XKR6: variants seen among roughly 807,000 people sequenced by gnomAD.
XKR6 encodes XK related 6.
A neutral mutation model predicts 56.7 loss-of-function variants in XKR6; 22 were observed. The observed-to-expected ratio is 0.39, with a 90% confidence interval of 0.28 to 0.55. The LOEUF (loss-of-function observed/expected upper bound fraction) is 0.55, where lower values mean the gene tolerates loss of function less well. XKR6 is among the 20% of genes least tolerant of loss of function. The probability of loss-of-function intolerance (pLI) is 0.66; values close to 1 mark genes in which losing one functional copy is unlikely to be tolerated. For missense variants in XKR6, 852 were observed against 889.0 expected (o/e 0.96, Z 0.53); for synonymous variants, 524 against 387.8 (o/e 1.35, Z -4.13).
chr8:10,903,068 G>C (rs1412098007), intron 2 of XKR6, among the ~76,000 whole-genome samples: 1 of 152,178 alleles, frequency 6.6e-6, no homozygotes, highest in Non-Finnish European at 1.5e-5. Flanking sequence ...GCTCAACAGA[G>C]GGTAGCCCTT....
chr8:11,006,273 A>G (rs957428821), intron 1 of XKR6, among the ~76,000 whole-genome samples: 1 of 152,188 alleles, frequency 6.6e-6, no homozygotes, highest in Non-Finnish European at 1.5e-5. Flanking sequence ...TTAGTGGCCT[A>G]GTAGGACACT....
intron 1 of XKR6, among the ~76,000 whole-genome samples, chr8:10,951,292 T>C (rs1358430180): frequency 9.5e-6 from 1 of 105,788 alleles, no homozygotes; most frequent in Non-Finnish European, 1.9e-5. Context: ...AAAGTGTGTG[T>C]GTGTGTGGGG....
chr8:11,176,487 T>A (rs1802661729), intron 1 of XKR6, among the ~76,000 whole-genome samples: 2 of 152,206 alleles, frequency 1.3e-5, no homozygotes, highest in Admixed American at 1.3e-4. Context: ...CTGGTGTTTT[T>A]ATTAAAATAT....
At chr8:10,974,425 C>G (rs1328278955) in intron 1 of XKR6, among the ~76,000 whole-genome samples, 1 of 152,196 alleles carries the variant, frequency 6.6e-6, no homozygotes, top group Non-Finnish European at 1.5e-5. Context: ...AAACCACCCG[C>G]TCAGAGGGAG....
Position 11,041,286 on chromosome 8 carries a change from G to A in XKR6, c.765-116456C>T, listed in dbSNP as rs568554623. ...AAGAGCATGACATCAGGCCGGGCGC[G>A]GTGGCTCACGCCTGTAATCCCAGCA... On this transcript the variant is annotated intron_variant, in intron 1 of 2. Coordinates refer to ENST00000416569, the MANE Select transcript of XKR6 (RefSeq NM_173683.4). Among the ~76,000 whole-genome samples, 6 of 152,250 alleles carry A rather than the reference G, an allele frequency of 3.9e-5. No individual in the cohort carries two copies. In the East Asian group the frequency reaches 1.2e-3, roughly 29 times the overall value.
At chr8:11,183,033 C>A (rs1259848752) in intron 1 of XKR6, among the ~76,000 whole-genome samples, 1 of 152,178 alleles carries the variant, frequency 6.6e-6, no homozygotes, top group African/African-American at 2.4e-5. Flanking sequence ...CATGTTGCAG[C>A]ATGTGTTAGA....
intron 1 of XKR6, among the ~76,000 whole-genome samples, chr8:11,147,275 T>C (rs1333090868): frequency 1.3e-5 from 2 of 152,060 alleles, no homozygotes; most frequent in African/African-American, 4.8e-5. Context: ...AAAAAGAACT[T>C]GTACCTAGAA....
intron 1 of XKR6, among the ~76,000 whole-genome samples, chr8:10,954,755 G>A (rs770670022): frequency 5.9e-5 from 9 of 151,648 alleles, no homozygotes; most frequent in South Asian, 4.1e-4. Context: ...GAAGGTTTAC[G>A]CCTATGTTTT....
chr8:11,075,457 G>A (rs1586511295), intron 1 of XKR6, among the ~76,000 whole-genome samples: 1 of 152,164 alleles, frequency 6.6e-6, no homozygotes, highest in African/African-American at 2.4e-5. Context: ...TCCCAGCCCA[G>A]GTTGATGACA....
chr8:11,010,777 T>G (rs4841477), intron 1 of XKR6, among the ~76,000 whole-genome samples: 54,718 of 147,800 alleles, frequency 0.37, 10,611 homozygotes, highest in African/African-American at 0.48. Flanking sequence ...CCTCCCCACC[T>G]TTTTTTTTTT....
At chr8:11,002,013 C>T (rs1477122239) in intron 1 of XKR6, among the ~76,000 whole-genome samples, 6 of 151,624 alleles carry the variant, frequency 4.0e-5, no homozygotes, top group African/African-American at 9.7e-5. Context: ...GTCTTCTCTT[C>T]TCCTTTAGGA....
chr8:11,133,168 T>C (rs1347336646), intron 1 of XKR6, among the ~76,000 whole-genome samples: 3 of 151,940 alleles, frequency 2.0e-5, no homozygotes, highest in African/African-American at 7.3e-5. Flanking sequence ...TAAACGCACA[T>C]TTATAAAAAG....
chr8:10,954,866 CT>C (rs34248780), intron 1 of XKR6, among the ~76,000 whole-genome samples: 2,102 of 92,734 alleles, frequency 0.023, 71 homozygotes, highest in African/African-American at 0.063. Flanking sequence ...ACTTCATTCT[CT>C]TTTTTTTTTT....
chr8:10,924,246 C>G (rs1324644431), intron 2 of XKR6, among the ~76,000 whole-genome samples: 2 of 152,228 alleles, frequency 1.3e-5, no homozygotes, highest in Non-Finnish European at 2.9e-5. Flanking sequence ...ATATGACGGC[C>G]CCTTGTGGTC....
At chr8:11,191,274 A>G (rs1803558696) in intron 1 of XKR6, among the ~76,000 whole-genome samples, 1 of 152,202 alleles carries the variant, frequency 6.6e-6, no homozygotes, top group Admixed American at 6.5e-5. Context: ...AACAACAACT[A>G]CTTAATAATT....
intron 1 of XKR6, among the ~76,000 whole-genome samples, chr8:11,139,611 C>A (rs1167843097): frequency 1.3e-5 from 2 of 152,080 alleles, no homozygotes; most frequent in African/African-American, 4.8e-5. Context: ...CAAGGCCTCA[C>A]ACTGAGGAGA....
chr8:10,908,944 C>A (rs941284319), intron 2 of XKR6, among the ~76,000 whole-genome samples: 5 of 152,188 alleles, frequency 3.3e-5, no homozygotes, highest in Admixed American at 2.6e-4. Context: ...GTGGGCAGAT[C>A]ACTTGAGGTC....
At chr8:11,061,779 G>C (rs976637324) in intron 1 of XKR6, among the ~76,000 whole-genome samples, 1 of 152,180 alleles carries the variant, frequency 6.6e-6, no homozygotes, top group East Asian at 1.9e-4. Context: ...CAAAGAATGA[G>C]AAGAAGGAAG....
At chr8:11,007,292 T>G (rs1391847188) in intron 1 of XKR6, among the ~76,000 whole-genome samples, 1 of 152,202 alleles carries the variant, frequency 6.6e-6, no homozygotes, top group Non-Finnish European at 1.5e-5. Context: ...GATAGTTAAA[T>G]GCCTTTGTTT....
Sources: gnomAD v4.1 joint callset for allele counts (sites outside exome capture counted in the v4.1 genomes callset) on GRCh38, gnomAD v4.1.1 for gene constraint, MANE v1.5 for transcripts, NCBI Gene and HGNC (gene_info 2026-07-23, HGNC 2026-07-21) for gene names.